ANK3: variants seen among roughly 807,000 people sequenced by gnomAD.
ANK3 encodes the protein ankyrin 3.
ANK3 carries 57 observed loss-of-function variants against 370.9 expected under a neutral mutation model. The ratio of observed to expected loss-of-function variants is 0.15; its 90% CI spans 0.12 to 0.19. The LOEUF (loss-of-function observed/expected upper bound fraction) is 0.19. Among genes scored for constraint, ANK3 ranks in the 10% least tolerant of loss-of-function variants. The pLI is 1.00. For synonymous variants in ANK3, 1,929 were observed against 1,946.3 expected (o/e 0.99, Z 0.23); for missense variants, 4,439 against 5,302.1 (o/e 0.84, Z 5.06).
chr10:60,654,339 C>T (rs1170603700), intron 1 of ANK3, among the ~76,000 whole-genome samples: 1 of 151,974 alleles, frequency 6.6e-6, no homozygotes, highest in African/African-American at 2.4e-5. Flanking sequence ...TCTCCAGTAC[C>T]GTGTTGAAAA....
intron 1 of ANK3, among the ~76,000 whole-genome samples, chr10:60,687,927 A>G (rs1318307362): frequency 6.6e-6 from 1 of 152,212 alleles, no homozygotes; most frequent in Non-Finnish European, 1.5e-5. Flanking sequence ...ATGGGCCTGG[A>G]GGATATTATG....
At chr10:60,612,906 A>C (rs559435978) in intron 2 of ANK3, among the ~76,000 whole-genome samples, 1 of 152,332 alleles carries the variant, frequency 6.6e-6, no homozygotes, top group South Asian at 2.1e-4. Context: ...ATATATAAAA[A>C]TTGCTACAGA....
intron 2 of ANK3, among the ~76,000 whole-genome samples, chr10:60,530,672 G>A (rs1388677487): frequency 6.6e-6 from 1 of 152,064 alleles, no homozygotes; most frequent in African/African-American, 2.4e-5. Context: ...ATGGCCTTGG[G>A]CACCCCTAAC....
At chr10:60,482,919 A>G (rs1278123467) in intron 2 of ANK3, among the ~76,000 whole-genome samples, 4 of 152,248 alleles carry the variant, frequency 2.6e-5, no homozygotes, top group Admixed American at 6.5e-5. Flanking sequence ...ATGTTATAGA[A>G]TCATGTTCCC....
intron 2 of ANK3, among the ~76,000 whole-genome samples, chr10:60,530,853 G>A (rs1278035711): frequency 6.6e-6 from 1 of 152,138 alleles, no homozygotes; most frequent in Non-Finnish European, 1.5e-5. Flanking sequence ...CCTGGCGTTT[G>A]CCTCCTAATC....
intron 2 of ANK3, among the ~76,000 whole-genome samples, chr10:60,445,564 G>A (rs1400111822): frequency 6.7e-6 from 1 of 150,104 alleles, no homozygotes; most frequent in Non-Finnish European, 1.5e-5. Flanking sequence ...AAAAAAAGGA[G>A]CGCTGAAATT....
At chr10:60,474,066 G>A (rs1257588003) in intron 2 of ANK3, among the ~76,000 whole-genome samples, 2 of 151,340 alleles carry the variant, frequency 1.3e-5, no homozygotes, top group African/African-American at 2.4e-5. Context: ...CCAGGAGTTC[G>A]AGGCTGCAGT....
At chr10:60,352,041 A>C (rs144543499) in intron 1 of ANK3, among the ~76,000 whole-genome samples, 1 of 152,366 alleles carries the variant, frequency 6.6e-6, no homozygotes, top group African/African-American at 2.4e-5. Flanking sequence ...TCATGCTGAT[A>C]ATCCCAGCTC....
At chr10:60,095,207 G>T (rs2089850985) in intron 28 of ANK3, among the ~76,000 whole-genome samples, 1 of 152,212 alleles carries the variant, frequency 6.6e-6, no homozygotes, top group South Asian at 2.1e-4. Flanking sequence ...TAAATTAAAT[G>T]ATGTTTGATA....
chr10:60,106,333 G>A (rs562945516), intron 27 of ANK3, among the ~76,000 whole-genome samples: 9 of 152,040 alleles, frequency 5.9e-5, no homozygotes, highest in Non-Finnish European at 1.2e-4. Flanking sequence ...ATATAAATAG[G>A]AATTTTGAAT....
chr10:60,553,928 G>A (rs1205644747), intron 2 of ANK3, among the ~76,000 whole-genome samples: 1 of 152,150 alleles, frequency 6.6e-6, no homozygotes, highest in African/African-American at 2.4e-5. Context: ...TGATTGGTTG[G>A]TTGTTTCGAC....
chr10:60,674,689 T>A (rs2079103063), intron 1 of ANK3, among the ~76,000 whole-genome samples: 1 of 152,164 alleles, frequency 6.6e-6, no homozygotes, highest in Non-Finnish European at 1.5e-5. Flanking sequence ...ATATTAAAAA[T>A]TTTGACTATC....
Position 60,055,679 on chromosome 10 carries a change from C to T in ANK3, c.13044G>A (p.Gly4348=), listed in dbSNP as rs750802679. 6 of 1,612,298 alleles carry T rather than the reference C, an allele frequency of 3.7e-6. No individual in the cohort carries two copies. Among genetic ancestry groups the T allele is most frequent in the Non-Finnish European group, 5.1e-6 (6 of 1,179,494 alleles). ...GTACCTTTTGCTCAGACCCACTGGACCCCTCTTCTTCATGGAGGCTAAGCC... is the reference window on the plus strand; with the variant it reads ...GTACCTTTTGCTCAGACCCACTGGATCCCTCTTCTTCATGGAGGCTAAGCC... ...KPRLSLHEEE[G]SSGSEQKQGE... Residue 4348 remains glycine, a synonymous_variant, in exon 42 of 44, where the codon GGG becomes GGA. Transcript: ENST00000280772.
At position 60,450,226 on chromosome 10, in the gene ANK3, G is replaced by A. The variant is rs1398239447; in HGVS notation, c.96+164960C>T. Among the ~76,000 whole-genome samples the A allele has an allele frequency of 2.0e-5, 3 of 152,100 alleles. 1 individual carries two copies. The highest frequency in any genetic ancestry group is 2.0e-4 in the Admixed American group (3 of 15,272). ...GGAGGATCACTTGAGCCCAGGAGTTGGAGGCTGCAGTGAGTTGGGATTACA... is the reference window on the plus strand; with the variant it reads ...GGAGGATCACTTGAGCCCAGGAGTTAGAGGCTGCAGTGAGTTGGGATTACA... On this transcript the variant is annotated intron_variant, in intron 2 of 43. Coordinates refer to the ANK3 transcript ENST00000373827.
At chr10:60,499,763 AT>A (rs1259668207) in intron 2 of ANK3, among the ~76,000 whole-genome samples, 1 of 152,164 alleles carries the variant, frequency 6.6e-6, no homozygotes. Context: ...TTATAAGCCC[AT>A]TTTAATGTTT....
intron 2 of ANK3, among the ~76,000 whole-genome samples, chr10:60,487,402 G>C (rs1413181347): frequency 6.6e-6 from 1 of 152,148 alleles, no homozygotes; most frequent in Non-Finnish European, 1.5e-5. Context: ...CTAAAGCAAA[G>C]GAGTTTCCTA....
chr10:60,078,870 T>C (rs1252837549), intron 36 of ANK3, among the ~76,000 whole-genome samples: 1 of 152,182 alleles, frequency 6.6e-6, no homozygotes, highest in Admixed American at 6.5e-5. Flanking sequence ...ACTTCGCTCC[T>C]CTTCTACCAA....
chr10:60,281,365 C>T (rs2098160245), intron 1 of ANK3, among the ~76,000 whole-genome samples: 1 of 152,210 alleles, frequency 6.6e-6, no homozygotes, highest in Non-Finnish European at 1.5e-5. Context: ...TGGTATCCCC[C>T]ATTTGTGATA....
At chr10:60,125,009 C>T (rs968548823) in intron 25 of ANK3, among the ~76,000 whole-genome samples, 12 of 152,064 alleles carry the variant, frequency 7.9e-5, no homozygotes, top group South Asian at 4.2e-4. Context: ...AATGGCAAAC[C>T]GCGACCCAAA....
Sources: allele counts gnomAD v4.1 joint callset (sites outside exome capture counted in the v4.1 genomes callset), GRCh38; gene constraint gnomAD v4.1.1; transcripts MANE v1.5; gene names NCBI Gene and HGNC (gene_info 2026-07-23, HGNC 2026-07-21).